MRE11: variants seen among roughly 807,000 people sequenced by gnomAD.
MRE11 encodes the protein double-strand break repair protein MRE11.
MRE11 carries 62 observed loss-of-function variants against 91.7 expected under a neutral mutation model. That is an observed-to-expected ratio of 0.68 (90% CI 0.55 to 0.84). The LOEUF (loss-of-function observed/expected upper bound fraction) is 0.84, where lower values mean the gene tolerates loss of function less well. Among genes scored for constraint, MRE11 ranks in the 40% least tolerant of loss-of-function variants. The pLI, the probability that MRE11 is intolerant of heterozygous loss-of-function variation, is 0.00. For missense variants in MRE11, 796 were observed against 852.9 expected (o/e 0.93, Z 0.83); for synonymous variants, 273 against 271.4 (o/e 1.01, Z -0.06).
At chr11:94,497,566 G>C (rs1296583078), upstream of MRE11, 2 of 155,830 alleles carry the variant, frequency 1.3e-5, no homozygotes, top group African/African-American at 4.8e-5. Flanking sequence ...AACCTAAAAG[G>C]TTGTTTCTAA....
Position 94,447,416 on chromosome 11 carries a change from A to C in MRE11, c.1586T>G (p.Leu529Arg), listed in dbSNP as rs786202400. 6.2e-7 allele frequency: 1 copy of C among 1,614,184 alleles called. No individual in the cohort carries two copies. Among genetic ancestry groups the C allele is most frequent in the Non-Finnish European group, 8.5e-7 (1 of 1,180,020 alleles). The stretch of plus-strand genomic sequence containing the variant: ...AGCAGACTCCTCTGACTGAGATCTG[A>C]GTGCTCTGGCCCTGGTCATAGCCTA... ...VREAMTRARA[L>R]RSQSEESASA... Residue 529 changes from leucine to arginine, a missense_variant, in exon 15 of 20, where the codon CTC becomes CGC. Transcript: ENST00000323929.
chr11:94,454,495 T>G (rs958664452), intron 14 of MRE11, among the ~76,000 whole-genome samples: 3 of 152,156 alleles, frequency 2.0e-5, no homozygotes, highest in African/African-American at 7.2e-5. Context: ...TCTGCAAAGC[T>G]GTGAATTACA....
chr11:94,491,866 TCTCA>T (rs1183457268), intron 2 of MRE11, among the ~76,000 whole-genome samples: 2 of 149,854 alleles, frequency 1.3e-5, no homozygotes, highest in Non-Finnish European at 3.0e-5. Context: ...TGCACACAGT[TCTCA>T]CTGATATATC....
chr11:94,418,235 C>A lies in MRE11; in HGVS notation c.*1890G>T. 1 of 233,066 alleles carries A rather than the reference C, an allele frequency of 4.3e-6. No individual in the cohort carries two copies. Among genetic ancestry groups the A allele is most frequent in the East Asian group, 6.1e-5 (1 of 16,526 alleles). The allele number at this position is 233,066 out of a possible 1,614,324, so 14.4% of individuals were successfully genotyped here. ...AGGTTTCCCTGTCACGTTTTATTTA[C>A]CATATTTTCAGGGCTTGATACATAG... On this transcript the variant is annotated 3_prime_UTR_variant, in exon 20 of 20. Coordinates refer to ENST00000323929, the MANE Select transcript of MRE11 (RefSeq NM_005591.4).
chr11:94,430,051 G>T, intron 18 of MRE11, 65 bp from the exon 19 acceptor site: 1 of 1,542,626 alleles, frequency 6.5e-7, no homozygotes, highest in Non-Finnish European at 9.0e-7. Context: ...GTGCCTTTCT[G>T]GCTAAGTTTT....
Position 94,478,988 on chromosome 11 carries a change from A to G in MRE11, c.403-112T>C, listed in dbSNP as rs680695. The G allele has an allele frequency of 0.3, 350,029 of 1,179,136 alleles. 54,431 individuals are homozygous for G. Among genetic ancestry groups the G allele is most frequent in the East Asian group, 0.41 (16,204 of 39,704 alleles). The allele number at this position is 1,179,136 out of a possible 1,614,324, so 73.0% of individuals were successfully genotyped here. A position where few individuals can be genotyped will look rare whatever the true frequency, so the allele number is the denominator to read the frequency against. On this transcript the variant is annotated intron_variant, in intron 5 of 19. Transcript: ENST00000323929. Reference sequence around the variant, plus strand: ...CCATATTCTACTTACAAAAACATAGATGAGGATAGTGTCTTCTCAAAACAA... The same window carrying G: ...CCATATTCTACTTACAAAAACATAGGTGAGGATAGTGTCTTCTCAAAACAA...
At chr11:94,503,785 C>T in the MRE11 span, among the ~76,000 whole-genome samples, 1 of 147,130 alleles carries the variant, frequency 6.8e-6, no homozygotes, top group Non-Finnish European at 1.5e-5. Context: ...CGAGATCCCG[C>T]CACTGCACTC....
At position 94,492,843 on chromosome 11, in the gene MRE11, C is replaced by T. The variant is rs199805088; in HGVS notation, c.-42G>A. The T allele has an allele frequency of 9.8e-5, 155 of 1,574,846 alleles. No individual in the cohort carries two copies. The highest frequency in any genetic ancestry group is 6.3e-5 in the Non-Finnish European group (72 of 1,145,224). ...GCTCCTCTGGGACCAGGTTCTTCTC[C>T]AAGAACCCCTGGGTACTGTACTCAA... On this transcript the variant is annotated 5_prime_UTR_variant, in exon 2 of 20. Coordinates refer to ENST00000323929, the MANE Select transcript of MRE11 (RefSeq NM_005591.4).
At chr11:94,445,787 A>T in intron 16 of MRE11, 23 bp downstream of exon 16, 1 of 1,536,002 alleles carries the variant, frequency 6.5e-7, no homozygotes, top group Non-Finnish European at 9.0e-7. Context: ...ATTTATAAAT[A>T]ATCACTTGCA....
At chr11:94,429,803 A>C in intron 19 of MRE11, 108 bp downstream of exon 19, 2 of 925,950 alleles carry the variant, frequency 2.2e-6, no homozygotes, top group African/African-American at 1.7e-5. Flanking sequence ...AACATAAAAG[A>C]TGAAGTTATT....
In MRE11 at chr11:94,482,929, C is replaced by G. The variant is rs747157598; in HGVS notation, c.314+2995G>C. On this transcript the variant is annotated intron_variant, in intron 4 of 19. Transcript: ENST00000323929. ...CTCCAGCTTGGGTGACAGTAAGACT[C>G]CTTCTCAAAAATAAAAAATAAAAAA... Among the ~76,000 whole-genome samples, 7 of 151,750 alleles carry G rather than the reference C, an allele frequency of 4.6e-5. No homozygotes were observed. The South Asian group carries it at 6.2e-4, about 14-fold the overall frequency.
chr11:94,421,626 C>T (rs1021051871), intron 19 of MRE11, among the ~76,000 whole-genome samples: 10 of 152,330 alleles, frequency 6.6e-5, no homozygotes, highest in African/African-American at 1.9e-4. Context: ...GTAGAATGAG[C>T]TCTTGCTGCC....
upstream of MRE11, among the ~76,000 whole-genome samples, chr11:94,494,384 A>G (rs36224993): frequency 2.0e-5 from 3 of 152,354 alleles, no homozygotes; most frequent in East Asian, 5.8e-4. Flanking sequence ...TGTATAGTGC[A>G]GCGAAAAATA....
At chr11:94,457,199 G>C (rs1479833906) in intron 13 of MRE11, among the ~76,000 whole-genome samples, 1 of 152,140 alleles carries the variant, frequency 6.6e-6, no homozygotes, top group Non-Finnish European at 1.5e-5. Flanking sequence ...TAAAAAACAT[G>C]TTTCAAAGAA....
At chr11:94,496,039 T>C (rs1286313795), upstream of MRE11, among the ~76,000 whole-genome samples, 1 of 152,182 alleles carries the variant, frequency 6.6e-6, no homozygotes, top group Non-Finnish European at 1.5e-5. Context: ...GACTACTTTT[T>C]AAAGCAGTGA....
At chr11:94,445,949 C>T in intron 15 of MRE11, 56 bp from the exon 16 acceptor site, 1 of 1,229,166 alleles carries the variant, frequency 8.1e-7, no homozygotes, top group Non-Finnish European at 1.2e-6. Flanking sequence ...AGGTTTATTT[C>T]ATACAACACT....
At chr11:94,457,887 T>TCTCTCACACA (rs372404360) in intron 13 of MRE11, among the ~76,000 whole-genome samples, 46,866 of 143,876 alleles carry the variant, frequency 0.33, 8,271 homozygotes, top group South Asian at 0.5. Flanking sequence ...TCTCTCTCTC[T>TCTCTCACACA]CACACACACA....
intron 5 of MRE11, 65 bp from the exon 6 acceptor site, chr11:94,478,941 T>C: frequency 6.5e-7 from 1 of 1,528,318 alleles, no homozygotes; most frequent in South Asian, 1.1e-5. Context: ...ATGAATATCG[T>C]ATCACCTGTT....
chr11:94,490,697 G>T, intron 3 of MRE11, 136 bp downstream of exon 3: 2 of 987,570 alleles, frequency 2.0e-6, no homozygotes, highest in Non-Finnish European at 3.2e-6. Context: ...TCAGCTTTGA[G>T]CTTTCAGTAT....
Sources: gnomAD v4.1 joint callset for allele counts (sites outside exome capture counted in the v4.1 genomes callset) on GRCh38, gnomAD v4.1.1 for gene constraint, MANE v1.5 for transcripts, NCBI Gene and HGNC (gene_info 2026-07-23, HGNC 2026-07-21) for gene names.